Variants in KAZN observed in about 807,000 individuals in gnomAD.
KAZN encodes kazrin, periplakin interacting protein.
KAZN carries 40 observed loss-of-function variants against 87.4 expected under a neutral mutation model. The observed-to-expected ratio is 0.46, with a 90% CI of 0.36 to 0.60. The LOEUF (loss-of-function observed/expected upper bound fraction) is 0.60, where lower values mean the gene tolerates loss of function less well. KAZN is among the 20% of genes least tolerant of loss of function. The pLI, the probability that KAZN is intolerant of heterozygous loss-of-function variation, is 0.00. For synonymous variants in KAZN, 466 were observed against 458.3 expected, an observed-to-expected ratio of 1.02 and a Z score of -0.22; for missense variants, 898 against 1,073.9, an observed-to-expected ratio of 0.84 and a Z score of 2.29.
chr1:14,419,354 C>G (rs967019210), intron 2 of KAZN, among the ~76,000 whole-genome samples: 4 of 152,206 alleles, frequency 2.6e-5, no homozygotes, highest in Non-Finnish European at 4.4e-5. Flanking sequence ...TTCCACCCTG[C>G]CCGGCCATCC....
In KAZN at chr1:14,907,304, C is replaced by T. The variant is rs922049192; in HGVS notation, c.227-53380C>T. 4.7e-5 allele frequency among the ~76,000 whole-genome samples: 7 copies of T among 150,388 alleles called. No individual in the cohort carries two copies. In the South Asian group the frequency reaches 8.4e-4, roughly 18 times the overall value. On this transcript the variant is annotated intron_variant, in intron 1 of 14. Transcript: ENST00000376030. ...GTAGTCCCAGCTACTCAGGAGGCTGCGGTGGGAAGATTGCTTGAACCCAGG... is the reference window on the plus strand; with the variant it reads ...GTAGTCCCAGCTACTCAGGAGGCTGTGGTGGGAAGATTGCTTGAACCCAGG...
At chr1:14,528,046 T>TGTAC (rs1671993343) in intron 2 of KAZN, among the ~76,000 whole-genome samples, 1 of 148,980 alleles carries the variant, frequency 6.7e-6, no homozygotes, top group East Asian at 2.0e-4. Flanking sequence ...TATCTATCTA[T>TGTAC]CTATGTACCT....
rs1424520324 is a variant in KAZN at position 15,056,302 on chromosome 1, C to G, written c.916+22C>G. The G allele has an allele frequency of 6.3e-7, 1 of 1,581,080 alleles. No homozygotes were observed. The highest frequency in any genetic ancestry group is 8.6e-7 in the Non-Finnish European group (1 of 1,156,308). Reference sequence around the variant, plus strand: ...CAAGGTGAGTCCTGCCCTGGCCTGGCTCCACCACGGCTTCGAGGGGCTTCA... The same window carrying G: ...CAAGGTGAGTCCTGCCCTGGCCTGGGTCCACCACGGCTTCGAGGGGCTTCA... On this transcript the variant is annotated intron_variant, in intron 5 of 14. Transcript: ENST00000376030. This position sits in a 1 kb window ranked among gnomAD's most constrained non-coding sequence, Gnocchi z 5.4.
chr1:14,365,641 T>C (rs1571407453), intron 2 of KAZN, among the ~76,000 whole-genome samples: 1 of 152,176 alleles, frequency 6.6e-6, no homozygotes, highest in East Asian at 1.9e-4. Context: ...GCAGGATGTT[T>C]AGCAGCGTCC....
rs140811964 is a variant in KAZN at position 13,901,646 on chromosome 1, G to T, written c.91+7890G>T. ...GTGGGCCACCAGGTTACAAGCTCTGGCTTAAGCGTTCAGTTCTGGCTAGCA... is the reference window on the plus strand; with the variant it reads ...GTGGGCCACCAGGTTACAAGCTCTGTCTTAAGCGTTCAGTTCTGGCTAGCA... On this transcript the variant is annotated intron_variant, in intron 1 of 16. Transcript: ENST00000636203. Among the ~76,000 whole-genome samples the T allele has an allele frequency of 4.1e-3, 618 of 152,348 alleles. 6 individuals carry two copies. The highest frequency in any genetic ancestry group is 0.014 in the African/African-American group (583 of 41,586).
Position 14,348,940 on chromosome 1 carries a change from G to C in KAZN, c.249+168348G>C, listed in dbSNP as rs186339792. 4 of 152,376 alleles carry C rather than the reference G, an allele frequency of 2.6e-5. No individual in the cohort carries two copies. In the East Asian group the frequency reaches 7.7e-4, roughly 29 times the overall value. The allele number at this position is 152,376 out of a possible 1,614,324, so 9.4% of individuals were successfully genotyped here. On this transcript the variant is annotated intron_variant, in intron 2 of 16. Coordinates refer to the KAZN transcript ENST00000636203. ...GGTTGGTTTACAGTCCAGCAAAAGA[G>C]ATCAGGGTTGGTTATGCGGAATGGC...
chr1:14,808,311 T>C (rs866952714), intron 1 of KAZN, among the ~76,000 whole-genome samples: 3 of 143,032 alleles, frequency 2.1e-5, no homozygotes, highest in Admixed American at 1.4e-4. Flanking sequence ...TTTTTTTTTT[T>C]TTGAGATGGC....
chr1:14,598,321 G>A (rs537825612), upstream of KAZN, among the ~76,000 whole-genome samples: 1 of 152,248 alleles, frequency 6.6e-6, no homozygotes, highest in Non-Finnish European at 1.5e-5. This position sits in a 1 kb window ranked among gnomAD's most constrained non-coding sequence, Gnocchi z 4.2. Context: ...TCCCTTCCAT[G>A]GAGATCCACC....
In KAZN at chr1:15,099,908, C is replaced by CA. The variant is rs1397208116; in HGVS notation, c.1548-1634dup. 6.6e-6 allele frequency among the ~76,000 whole-genome samples: 1 copy of CA among 152,152 alleles called. No homozygotes were observed. Among genetic ancestry groups the CA allele is most frequent in the Non-Finnish European group, 1.5e-5 (1 of 68,030 alleles). ...AGGATGCACTGACCAGAGTGACCGA[C>CA]AGACAAGGACGGGCTATCAGCTTGG... On this transcript the variant is annotated intron_variant, in intron 10 of 14. Transcript: ENST00000376030. This position sits in a 1 kb window ranked among gnomAD's most constrained non-coding sequence, Gnocchi z 5.4.
intron 1 of KAZN, among the ~76,000 whole-genome samples, chr1:13,905,463 T>C (rs992289885): frequency 2.6e-5 from 4 of 152,206 alleles, no homozygotes; most frequent in African/African-American, 7.2e-5. Flanking sequence ...GGGAGATCAC[T>C]CTCAACCCCT....
At chr1:13,960,752 G>A (rs1163568118) in intron 1 of KAZN, among the ~76,000 whole-genome samples, 2 of 152,202 alleles carry the variant, frequency 1.3e-5, no homozygotes, top group African/African-American at 4.8e-5. Flanking sequence ...TCAGGGCTTG[G>A]TCAGTGGCTG....
chr1:14,340,962 A>C (rs900866103), intron 2 of KAZN, among the ~76,000 whole-genome samples: 2 of 133,300 alleles, frequency 1.5e-5, no homozygotes, highest in African/African-American at 5.9e-5. Flanking sequence ...ATCTCGACTC[A>C]CTGCAACCTC....
intron 1 of KAZN, among the ~76,000 whole-genome samples, chr1:13,970,258 T>C (rs997672387): frequency 1.3e-5 from 2 of 152,232 alleles, no homozygotes; most frequent in African/African-American, 4.8e-5. Flanking sequence ...ATTAAGGCAT[T>C]AAATATTAGC....
intron 2 of KAZN, among the ~76,000 whole-genome samples, chr1:14,297,812 G>C (rs1361748149): frequency 6.6e-6 from 1 of 152,198 alleles, no homozygotes; most frequent in Non-Finnish European, 1.5e-5. Flanking sequence ...ACAAACTTAA[G>C]ACCTTATGAT....
intron 2 of KAZN, among the ~76,000 whole-genome samples, chr1:14,356,903 A>G (rs971901166): frequency 2.6e-5 from 4 of 152,198 alleles, no homozygotes; most frequent in African/African-American, 9.7e-5. Context: ...TGTCTTGACT[A>G]TACGGGCTCT....
intron 1 of KAZN, among the ~76,000 whole-genome samples, chr1:14,102,950 C>A (rs1407971437): frequency 1.3e-5 from 2 of 151,478 alleles, no homozygotes; most frequent in African/African-American, 4.9e-5. Context: ...GCTCTGTCAC[C>A]CAGGCTGGAG....
intron 1 of KAZN, among the ~76,000 whole-genome samples, chr1:14,150,003 T>C (rs1008890087): frequency 5.9e-5 from 9 of 152,236 alleles, no homozygotes; most frequent in African/African-American, 2.2e-4. Flanking sequence ...ATACTAGTCA[T>C]AACGCAACAG....
Position 15,100,455 on chromosome 1 carries a change from A to T in KAZN, c.1548-1088A>T, listed in dbSNP as rs192720600. 9.1e-4 allele frequency among the ~76,000 whole-genome samples: 138 copies of T among 152,240 alleles called. 1 individual carries two copies. The highest frequency in any genetic ancestry group is 2.4e-3 in the African/African-American group (99 of 41,552). On this transcript the variant is annotated intron_variant, in intron 10 of 14. Coordinates refer to ENST00000376030, the MANE Select transcript of KAZN (RefSeq NM_201628.3). ...TCGTGGCCCCCTGCACCTCCCACTT[A>T]GACCAGCGCTCTCCCACCTGTCAGA...
At position 13,951,533 on chromosome 1, in the gene KAZN, C is replaced by T. The variant is rs549238584; in HGVS notation, c.91+57777C>T. Among the ~76,000 whole-genome samples, 15 of 151,872 alleles carry T rather than the reference C, an allele frequency of 9.9e-5. No homozygotes were observed. In the South Asian group the frequency reaches 2.7e-3, roughly 27 times the overall value. ...AGGGTTCTGGTTTGGAGATGACTCACGTGGTCTTACACACTGTAGGGTGTT... is the reference window on the plus strand; with the variant it reads ...AGGGTTCTGGTTTGGAGATGACTCATGTGGTCTTACACACTGTAGGGTGTT... On this transcript the variant is annotated intron_variant, in intron 1 of 16. Transcript: ENST00000636203.
Sources: gnomAD v4.1 joint callset for allele counts (sites outside exome capture counted in the v4.1 genomes callset) on GRCh38, gnomAD v4.1.1 for gene constraint, Gnocchi (gnomAD v3.1) non-coding constraint, MANE v1.5 for transcripts, NCBI Gene and HGNC (gene_info 2026-07-23, HGNC 2026-07-21) for gene names.